Variants in APC observed in about 807,000 individuals in gnomAD.
APC encodes APC regulator of Wnt signaling pathway.
APC carries 72 observed loss-of-function variants against 247.0 expected under a neutral mutation model. The observed-to-expected ratio is 0.29, with a 90% CI of 0.24 to 0.35. APC has a LOEUF of 0.35. Among genes scored for constraint, APC ranks in the 10% least tolerant of loss-of-function variants. APC has a pLI of 1.00. For missense variants in APC, 3,400 were observed against 3,360.7 expected, an observed-to-expected ratio of 1.01 and a Z score of -0.29; for synonymous variants, 1,254 against 1,162.5, an observed-to-expected ratio of 1.08 and a Z score of -1.60.
intron 1 of APC, among the ~76,000 whole-genome samples, chr5:112,723,677 A>G (rs955689349): frequency 6.6e-6 from 1 of 152,336 alleles, no homozygotes; most frequent in South Asian, 2.1e-4. Context: ...ACAAAAAACC[A>G]TTTAATTTAT....
chr5:112,741,516 CTCT>C (rs1561423892), intron 1 of APC, among the ~76,000 whole-genome samples: 3 of 152,192 alleles, frequency 2.0e-5, no homozygotes, highest in African/African-American at 4.8e-5. Context: ...CCTGCACCCA[CTCT>C]TCTTGTGTGT....
intron 14 of APC, among the ~76,000 whole-genome samples, chr5:112,833,224 C>T (rs933160777): frequency 2.7e-5 from 4 of 147,150 alleles, no homozygotes; most frequent in Non-Finnish European, 5.9e-5. Flanking sequence ...GCTCTGTCAC[C>T]TAGGCTGGAG....
rs961984574 is a variant in APC, at chr5:112,753,030, A to G, written c.-18-1843A>G. On this transcript the variant is annotated intron_variant, in intron 1 of 15. Transcript: ENST00000257430. ...TGTCTCAGTAAACTTGTGCATGCCC[A>G]TTTTTTTCTCTGTTACTACCTTTTC... 2.6e-5 allele frequency among the ~76,000 whole-genome samples: 4 copies of G among 151,762 alleles called. No individual in the cohort carries two copies. The East Asian group carries it at 5.8e-4, about 22-fold the overall frequency.
chr5:112,841,491 A>G lies in APC; in HGVS notation c.5897A>G (p.Asn1966Ser), dbSNP rs1322614389. The G allele has an allele frequency of 6.2e-7, 1 of 1,613,536 alleles. No homozygotes were observed. The highest frequency in any genetic ancestry group is 8.5e-7 in the Non-Finnish European group (1 of 1,179,574). The stretch of plus-strand genomic sequence containing the variant: ...AATACTCCGGTTTGCTTTTCTCATA[A>G]TTCCTCTCTGAGTTCTCTCAGTGAC... ...IENTPVCFSH[N>S]SSLSSLSDID... is the part of the protein sequence containing the mutation. The change falls in exon 16 of 16, where the codon AAT becomes AGT. Residue 1966 changes from asparagine to serine, a missense_variant. By Grantham distance (46) the Asn-to-Ser change is conservative (BLOSUM62 1). Around this residue, in one of 9 missense-constraint regions of APC, gnomAD observed 1,788 missense variants for 1,649.5 expected, o/e 1.08. Coordinates refer to ENST00000257430, the MANE Select transcript of APC (RefSeq NM_000038.6). This position sits in a 1 kb window ranked among gnomAD's most constrained non-coding sequence, Gnocchi z 4.6.
rs2149987609 is a variant in APC, at chr5:112,843,060, C to G, written c.7466C>G (p.Pro2489Arg). 1 of 1,613,976 alleles carries G rather than the reference C, an allele frequency of 6.2e-7. No individual in the cohort carries two copies. ...ACTCCAGTTTTAAGTCCTTCCCTTC[C>G]TGATATGTCTCTATCCACACATTCG... ...AQTPVLSPSL[P>R]DMSLSTHSSV... The change falls in exon 16 of 16, where the codon CCT (proline) becomes CGT (arginine). Residue 2489 changes from proline (P) to arginine (R), a missense_variant. Around this residue, in one of 9 missense-constraint regions of APC, gnomAD observed 1,788 missense variants for 1,649.5 expected, o/e 1.08. Transcript: ENST00000257430. This position sits in a 1 kb window ranked among gnomAD's most constrained non-coding sequence, Gnocchi z 4.8.
rs377384463 is a variant in APC at position 112,838,540 on chromosome 5, G to A, written c.2946G>A (p.Ser982=). ...GTAAAAGAGGTCAAATGAAACCCTC[G>A]ATTGAATCCTATTCTGAAGATGATG... ...GYGKRGQMKP[S]IESYSEDDES... Residue 982 remains serine (S), a synonymous_variant, in exon 16 of 16, where the codon TCG becomes TCA. Transcript: ENST00000257430. 29 of 1,614,022 alleles carry A rather than the reference G, an allele frequency of 1.8e-5. No homozygotes were observed. The highest frequency in any genetic ancestry group is 3.3e-5 in the Admixed American group (2 of 60,000).
At chr5:112,718,377 T>C (rs1751297752) in intron 1 of APC, among the ~76,000 whole-genome samples, 1 of 152,208 alleles carries the variant, frequency 6.6e-6, no homozygotes, top group Non-Finnish European at 1.5e-5. Flanking sequence ...TCTTTAACTT[T>C]CCTGGGCCAC....
intron 1 of APC, among the ~76,000 whole-genome samples, chr5:112,713,046 C>T (rs1303827110): frequency 6.6e-6 from 1 of 151,932 alleles, no homozygotes; most frequent in Non-Finnish European, 1.5e-5. Flanking sequence ...TGGCAGGCGC[C>T]TGTAATCCCC....
intron 9 of APC, 94 bp from the exon 10 acceptor site, chr5:112,818,872 G>A (rs2149777616): frequency 1.1e-6 from 1 of 940,890 alleles, no homozygotes; most frequent in Non-Finnish European, 1.6e-6. Context: ...TGTTTTTTTA[G>A]AGTTATAGTA....
intron 1 of APC, among the ~76,000 whole-genome samples, chr5:112,730,264 C>T (rs1020769372): frequency 6.6e-6 from 1 of 152,142 alleles, no homozygotes; most frequent in Non-Finnish European, 1.5e-5. Flanking sequence ...GAGCCAGCTA[C>T]TATATAGTAA....
intron 4 of APC, among the ~76,000 whole-genome samples, chr5:112,773,731 G>A (rs578206086): frequency 4.6e-5 from 7 of 152,236 alleles, no homozygotes; most frequent in African/African-American, 1.7e-4. Context: ...AAAGACAAGT[G>A]TCAAGTTCAG....
At chr5:112,834,131 G>A (rs374604076) in intron 14 of APC, among the ~76,000 whole-genome samples, 4 of 151,530 alleles carry the variant, frequency 2.6e-5, no homozygotes, top group Admixed American at 2.0e-4. Flanking sequence ...TTGTACAGAC[G>A]GGATTTCACC....
intron 1 of APC, among the ~76,000 whole-genome samples, chr5:112,752,315 C>T (rs1029263405): frequency 2.0e-5 from 3 of 152,042 alleles, no homozygotes; most frequent in African/African-American, 7.2e-5. Flanking sequence ...AATAATAATC[C>T]TCCACATTTA....
chr5:112,827,046 C>T (rs1222454330), intron 11 of APC, 62 bp from the exon 12 acceptor site: 1 of 1,558,422 alleles, frequency 6.4e-7, no homozygotes, highest in African/African-American at 1.4e-5. Flanking sequence ...AAGTTACCAA[C>T]TTGGTACCAG....
chr5:112,839,782 T>G lies in APC; in HGVS notation c.4188T>G (p.Phe1396Leu). The change falls in exon 16 of 16, where the codon TTT (phenylalanine) becomes TTG (leucine). Residue 1396 changes from phenylalanine (F) to leucine (L), a missense_variant. Physicochemically the swap from Phe to Leu is conservative, Grantham distance 22 (BLOSUM62 0). Transcript: ENST00000257430. This position sits in a 1 kb window ranked among gnomAD's most constrained non-coding sequence, Gnocchi z 5.0. ...RCTSVSSLDS[F>L]ESRSIASSVQ... is the part of the protein sequence containing the mutation. The stretch of plus-strand genomic sequence containing the variant: ...CTTCTGTCAGTTCACTTGATAGTTT[T>G]GAGAGTCGTTCGATTGCCAGCTCCG... 6.2e-7 allele frequency: 1 copy of G among 1,614,128 alleles called. No individual in the cohort carries two copies. The highest frequency in any genetic ancestry group is 1.3e-5 in the African/African-American group (1 of 75,038).
intron 1 of APC, among the ~76,000 whole-genome samples, chr5:112,727,455 A>G (rs1028187256): frequency 1.3e-5 from 2 of 152,172 alleles, no homozygotes; most frequent in South Asian, 2.1e-4. Flanking sequence ...TTTTGACCCA[A>G]GGCTTTGGTT....
chr5:112,796,381 T>C (rs2149697086), intron 7 of APC, among the ~76,000 whole-genome samples: 1 of 152,238 alleles, frequency 6.6e-6, no homozygotes, highest in African/African-American at 2.4e-5. Flanking sequence ...CAAAAAACAT[T>C]TTCATCCATG....
chr5:112,708,747 A>G (rs1042497381), intron 1 of APC, among the ~76,000 whole-genome samples: 5 of 152,320 alleles, frequency 3.3e-5, no homozygotes, highest in Middle Eastern at 3.4e-3. Context: ...TTTAAGTTCA[A>G]AACTTCTTAA....
In APC at chr5:112,843,231, C is replaced by T. The variant is rs2149991051; in HGVS notation, c.7637C>T (p.Thr2546Ile). The T allele has an allele frequency of 6.2e-7, 1 of 1,613,872 alleles. No homozygotes were observed. The highest frequency in any genetic ancestry group is 8.5e-7 in the Non-Finnish European group (1 of 1,179,806). Residue 2546 changes from threonine (T) to isoleucine (I), a missense_variant, in exon 16 of 16, where the codon ACC (threonine) becomes ATC (isoleucine). Transcript: ENST00000257430. The surrounding 1 kb of genome is among the most constrained non-coding windows in gnomAD (Gnocchi z 4.8). ...AGACTTCCAATCAATAGGTCAGGAA[C>T]CTGGAAACGTGAGCACAGCAAACAT... The part of the protein sequence containing the change: ...PSRLPINRSG[T>I]WKREHSKHSS...
Sources: allele counts gnomAD v4.1 joint callset (sites outside exome capture counted in the v4.1 genomes callset), GRCh38; gene constraint gnomAD v4.1.1; regional missense constraint gnomAD v4.1.1; non-coding constraint Gnocchi (gnomAD v3.1); transcripts MANE v1.5; gene names NCBI Gene and HGNC (gene_info 2026-07-23, HGNC 2026-07-21).